Variants in HS6ST3 observed in about 807,000 individuals in gnomAD.
The protein encoded by HS6ST3 is heparan-sulfate 6-O-sulfotransferase 3.
A neutral mutation model predicts 36.7 loss-of-function variants in HS6ST3; 12 were observed. The observed-to-expected ratio is 0.33, with a 90% CI of 0.21 to 0.53. HS6ST3 has a LOEUF of 0.53. HS6ST3 is among the 20% of genes least tolerant of loss of function. The pLI is 0.95. For missense variants in HS6ST3, 584 were observed against 640.9 expected (o/e 0.91, Z 0.96); for synonymous variants, 240 against 257.5 (o/e 0.93, Z 0.65).
chr13:96,556,056 A>G (rs1015681657), intron 1 of HS6ST3, among the ~76,000 whole-genome samples: 3 of 152,204 alleles, frequency 2.0e-5, no homozygotes, highest in Non-Finnish European at 4.4e-5. Context: ...CTAAGGAGAA[A>G]TGGAAAGTTT....
At chr13:96,656,262 G>A (rs143735797) in intron 1 of HS6ST3, among the ~76,000 whole-genome samples, 236 of 152,264 alleles carry the variant, frequency 1.5e-3, no homozygotes, top group South Asian at 6.6e-3. Context: ...GACCACTAAA[G>A]CAATTTAATA....
chr13:96,498,591 T>C (rs573617255), intron 1 of HS6ST3, among the ~76,000 whole-genome samples: 1 of 152,318 alleles, frequency 6.6e-6, no homozygotes, highest in Admixed American at 6.5e-5. Context: ...TCACTAATGA[T>C]ATTTTTCTTA....
chr13:96,800,421 G>C (rs1878038756), intron 1 of HS6ST3, among the ~76,000 whole-genome samples: 1 of 151,840 alleles, frequency 6.6e-6, no homozygotes, highest in African/African-American at 2.4e-5. Context: ...TTCCAAAGAA[G>C]TTGTTCATCG....
chr13:96,810,394 G>T (rs1217052204), intron 1 of HS6ST3, among the ~76,000 whole-genome samples: 2 of 152,078 alleles, frequency 1.3e-5, no homozygotes, highest in Non-Finnish European at 2.9e-5. Flanking sequence ...TCCATAAATG[G>T]CATCTGTTGG....
At chr13:96,353,046 CTTTTTTTTT>C (rs1026366277) in intron 1 of HS6ST3, among the ~76,000 whole-genome samples, 2 of 85,436 alleles carry the variant, frequency 2.3e-5, no homozygotes, top group Non-Finnish European at 4.8e-5. Context: ...CTAGCGTATT[CTTTTTTTTT>C]TTTTTTTTTT....
intron 1 of HS6ST3, among the ~76,000 whole-genome samples, chr13:96,825,976 G>A (rs971826267): frequency 6.6e-6 from 1 of 152,148 alleles, no homozygotes; most frequent in Non-Finnish European, 1.5e-5. Context: ...ATTTCCTGAA[G>A]CAGTGCCTTA....
intron 1 of HS6ST3, among the ~76,000 whole-genome samples, chr13:96,249,862 A>G (rs1441003247): frequency 6.6e-6 from 1 of 152,174 alleles, no homozygotes; most frequent in East Asian, 1.9e-4. Context: ...AAATTTTATT[A>G]TTCTACTTAG....
intron 1 of HS6ST3, among the ~76,000 whole-genome samples, chr13:96,561,086 C>CA (rs1374838783): frequency 6.6e-6 from 1 of 151,858 alleles, no homozygotes; most frequent in East Asian, 1.9e-4. Context: ...CAATCCCAAG[C>CA]AAAAAAACAA....
At chr13:96,268,834 T>TAC (rs2054705453) in intron 1 of HS6ST3, among the ~76,000 whole-genome samples, 1 of 151,664 alleles carries the variant, frequency 6.6e-6, no homozygotes. Context: ...CGCACACACA[T>TAC]ACACACACAC....
intron 1 of HS6ST3, among the ~76,000 whole-genome samples, chr13:96,576,702 G>A (rs1418815999): frequency 2.0e-5 from 3 of 151,998 alleles, no homozygotes; most frequent in Non-Finnish European, 2.9e-5. Context: ...AGCACTTTGG[G>A]AGGCCAAGGC....
intron 1 of HS6ST3, among the ~76,000 whole-genome samples, chr13:96,639,580 G>A (rs1339132643): frequency 5.3e-5 from 8 of 151,884 alleles, no homozygotes; most frequent in South Asian, 4.2e-4. Flanking sequence ...CAAGGGATAC[G>A]TGTGCAGGTT....
intron 1 of HS6ST3, among the ~76,000 whole-genome samples, chr13:96,704,390 C>T (rs1875366273): frequency 6.6e-6 from 1 of 152,110 alleles, no homozygotes; most frequent in Non-Finnish European, 1.5e-5. Flanking sequence ...GCCATAAACA[C>T]CCTTGTCAAG....
chr13:96,566,902 T>C (rs1013850724), intron 1 of HS6ST3, among the ~76,000 whole-genome samples: 1 of 152,134 alleles, frequency 6.6e-6, no homozygotes, highest in African/African-American at 2.4e-5. Context: ...ATAACTTAAA[T>C]ATATCCAATT....
intron 1 of HS6ST3, among the ~76,000 whole-genome samples, chr13:96,487,075 A>G (rs926804649): frequency 6.6e-6 from 1 of 152,078 alleles, no homozygotes; most frequent in African/African-American, 2.4e-5. Flanking sequence ...ACAATCAAAG[A>G]CCATTTATAT....
chr13:96,516,063 CTT>C (rs1298327274), intron 1 of HS6ST3, among the ~76,000 whole-genome samples: 19 of 140,214 alleles, frequency 1.4e-4, no homozygotes, highest in Admixed American at 2.9e-4. Context: ...ACAGCATTAA[CTT>C]TTTTTTTTTT....
intron 1 of HS6ST3, among the ~76,000 whole-genome samples, chr13:96,189,543 C>T (rs1002879379): frequency 1.3e-5 from 2 of 152,106 alleles, no homozygotes; most frequent in Non-Finnish European, 2.9e-5. Flanking sequence ...GAGGTATGCA[C>T]TTTCGTCTTA....
chr13:96,303,850 A>C (rs965585247), intron 1 of HS6ST3, among the ~76,000 whole-genome samples: 1 of 152,232 alleles, frequency 6.6e-6, no homozygotes, highest in African/African-American at 2.4e-5. Flanking sequence ...TCAGCTTAAA[A>C]ATATGACTTG....
At chr13:96,626,297 T>C (rs2056512142) in intron 1 of HS6ST3, among the ~76,000 whole-genome samples, 1 of 152,216 alleles carries the variant, frequency 6.6e-6, no homozygotes. Context: ...ATTTGATTTT[T>C]GTATATGACA....
rs116662047 is a variant in HS6ST3 at position 96,820,990 on chromosome 13, G to A, written c.708-11500G>A. 4.7e-3 allele frequency among the ~76,000 whole-genome samples: 721 copies of A among 152,256 alleles called. 5 individuals carry two copies. Among genetic ancestry groups the A allele is most frequent in the African/African-American group, 0.016 (667 of 41,538 alleles). ...TGCATAGCTATTTTCAGCCTTTATT[G>A]TTCTGACATTACTACAGCTTTTGGC... On this transcript the variant is annotated intron_variant, in intron 1 of 1. Coordinates refer to ENST00000376705, the MANE Select transcript of HS6ST3 (RefSeq NM_153456.4).
Sources: allele counts gnomAD v4.1 joint callset (sites outside exome capture counted in the v4.1 genomes callset), GRCh38; gene constraint gnomAD v4.1.1; transcripts MANE v1.5; gene names NCBI Gene and HGNC (gene_info 2026-07-23, HGNC 2026-07-21).